Variants in GAS2 observed in about 807,000 individuals in gnomAD.
GAS2 encodes the protein growth arrest-specific protein 2.
Under a neutral mutation model 37.5 loss-of-function variants are expected in GAS2, and 20 were observed. The observed-to-expected ratio is 0.53, with a 90% CI of 0.37 to 0.77. The LOEUF (loss-of-function observed/expected upper bound fraction) is 0.77. GAS2 is among the 30% of genes least tolerant of loss of function. GAS2 has a pLI of 0.00. For synonymous variants in GAS2, 144 were observed against 132.2 expected (o/e 1.09, Z -0.61); for missense variants, 336 against 373.4 (o/e 0.90, Z 0.82).
Position 22,726,295 on chromosome 11 carries a change from C to T in GAS2, c.271C>T (p.Leu91=), listed in dbSNP as rs1375644020. 6.3e-7 allele frequency: 1 copy of T among 1,594,898 alleles called. No homozygotes were observed. The highest frequency in any genetic ancestry group is 8.5e-7 in the Non-Finnish European group (1 of 1,175,306). The change falls in exon 4 of 8, where the codon CTA becomes TTA. Residue 91 remains leucine, a synonymous_variant. Coordinates refer to ENST00000454584, the MANE Select transcript of GAS2 (RefSeq NM_001143830.3). Reference sequence around the variant, plus strand: ...AACGAATTTCTTTATTTTTCAGAATCTACCGTTGAAGAAGATCCCATGCAA... The same window carrying T: ...AACGAATTTCTTTATTTTTCAGAATTTACCGTTGAAGAAGATCCCATGCAA... ...SMDANKPTKN[L]PLKKIPCKTS...
chr11:22,783,189 T>C (rs1221010236), intron 7 of GAS2, among the ~76,000 whole-genome samples: 2 of 151,334 alleles, frequency 1.3e-5, no homozygotes, highest in East Asian at 3.9e-4. Context: ...ATTTCTCTGA[T>C]GATTAGTGAT....
At chr11:22,722,243 A>C (rs1161407596) in intron 3 of GAS2, among the ~76,000 whole-genome samples, 1 of 151,902 alleles carries the variant, frequency 6.6e-6, no homozygotes, top group Non-Finnish European at 1.5e-5. Flanking sequence ...TTGGAAGGGC[A>C]CTTTTGGAAT....
intron 2 of GAS2, among the ~76,000 whole-genome samples, chr11:22,681,995 T>C (rs1299466246): frequency 1.3e-5 from 2 of 152,020 alleles, no homozygotes; most frequent in Non-Finnish European, 1.5e-5. Flanking sequence ...GGAAAATATG[T>C]TACACATGAA....
At chr11:22,713,138 G>GTC (rs532797483) in intron 3 of GAS2, among the ~76,000 whole-genome samples, 484 of 150,244 alleles carry the variant, frequency 3.2e-3, no homozygotes, top group Non-Finnish European at 5.5e-3. Flanking sequence ...AGATGAAAAA[G>GTC]TCTCCAGGGA....
intron 7 of GAS2, among the ~76,000 whole-genome samples, chr11:22,766,129 A>G (rs1473485371): frequency 6.6e-6 from 1 of 152,218 alleles, no homozygotes; most frequent in African/African-American, 2.4e-5. Flanking sequence ...ATTGCGGATT[A>G]CATTTCAACA....
chr11:22,732,159 A>G (rs1434481790), intron 4 of GAS2, among the ~76,000 whole-genome samples: 1 of 151,808 alleles, frequency 6.6e-6, no homozygotes, highest in Non-Finnish European at 1.5e-5. Context: ...AGATGTTATT[A>G]GAATTATTTC....
intron 3 of GAS2, among the ~76,000 whole-genome samples, chr11:22,694,561 G>T (rs749721475): frequency 6.6e-6 from 1 of 152,152 alleles, no homozygotes; most frequent in Non-Finnish European, 1.5e-5. Flanking sequence ...TTAATTACAG[G>T]TCGAATAGAA....
At chr11:22,774,512 G>A (rs915198312) in intron 7 of GAS2, among the ~76,000 whole-genome samples, 1 of 152,112 alleles carries the variant, frequency 6.6e-6, no homozygotes, top group African/African-American at 2.4e-5. Flanking sequence ...TTTTAAACAA[G>A]GCATTTTCTT....
intron 6 of GAS2, among the ~76,000 whole-genome samples, chr11:22,753,013 G>T (rs189900953): frequency 6.6e-6 from 1 of 152,156 alleles, no homozygotes; most frequent in African/African-American, 2.4e-5. Context: ...TCCTCTTCGC[G>T]AGCTAGTTCT....
chr11:22,725,080 A>C (rs1470458453), intron 3 of GAS2, among the ~76,000 whole-genome samples: 3 of 152,098 alleles, frequency 2.0e-5, no homozygotes, highest in Non-Finnish European at 4.4e-5. Context: ...TATGTAGCCC[A>C]GTTCACCCGA....
At chr11:22,787,454 C>T (rs769163679) in intron 7 of GAS2, among the ~76,000 whole-genome samples, 9 of 151,824 alleles carry the variant, frequency 5.9e-5, no homozygotes, top group African/African-American at 2.2e-4. Flanking sequence ...TGTACATATA[C>T]ATAGTTATGT....
At chr11:22,789,816 A>C (rs1423628454) in intron 7 of GAS2, among the ~76,000 whole-genome samples, 1 of 152,108 alleles carries the variant, frequency 6.6e-6, no homozygotes, top group East Asian at 1.9e-4. Context: ...AGAAATATAT[A>C]TCTCTCTATA....
At chr11:22,653,110 T>C (rs2133835938) in intron 1 of GAS2, among the ~76,000 whole-genome samples, 1 of 151,396 alleles carries the variant, frequency 6.6e-6, no homozygotes, top group Admixed American at 6.6e-5. Context: ...CTTTCCTCCC[T>C]TCCTTCCTCC....
In GAS2 at chr11:22,789,427, T is replaced by TATATATATAG. The variant is rs1856012626; in HGVS notation, c.724-22362_724-22361insGATATATATA. ...GTATGTGTGTGTATCTCATATGAGA[T>TATATATATAG]ATATATATATATATATATATATATA... On this transcript the variant is annotated intron_variant, in intron 7 of 7. Coordinates refer to ENST00000454584, the MANE Select transcript of GAS2 (RefSeq NM_001143830.3). Among the ~76,000 whole-genome samples, 2 of 33,882 alleles carry TATATATATAG rather than the reference T, an allele frequency of 5.9e-5. 1 individual carries two copies. The highest frequency in any genetic ancestry group is 3.0e-4 in the African/African-American group (2 of 6,756). The allele number at this position is 33,882 out of a possible 152,430, so 22.2% of individuals were successfully genotyped here. A position where few individuals can be genotyped will look rare whatever the true frequency, so the allele number is the denominator to read the frequency against.
intron 3 of GAS2, among the ~76,000 whole-genome samples, chr11:22,710,467 A>G (rs1446989769): frequency 3.4e-5 from 5 of 148,448 alleles, no homozygotes; most frequent in Non-Finnish European, 7.4e-5. Flanking sequence ...TTCAAGATAT[A>G]TATATATGTG....
intron 2 of GAS2, among the ~76,000 whole-genome samples, chr11:22,681,293 A>G (rs1849672085): frequency 7.2e-6 from 1 of 138,352 alleles, no homozygotes; most frequent in Non-Finnish European, 1.5e-5. Flanking sequence ...TGCCTGGCAA[A>G]AGATTTCAGG....
chr11:22,725,761 C>G (rs1852175024), intron 3 of GAS2, among the ~76,000 whole-genome samples: 1 of 152,068 alleles, frequency 6.6e-6, no homozygotes. Flanking sequence ...ATTTCCCTTT[C>G]TTGGTATTGA....
At chr11:22,689,275 CTAAAA>C (rs888336713) in intron 3 of GAS2, among the ~76,000 whole-genome samples, 11 of 152,196 alleles carry the variant, frequency 7.2e-5, no homozygotes, top group African/African-American at 2.6e-4. Context: ...CCCTCCGAAC[CTAAAA>C]TAAAAGTTAA....
At chr11:22,677,728 G>A (rs1221173877) in intron 2 of GAS2, among the ~76,000 whole-genome samples, 1 of 152,148 alleles carries the variant, frequency 6.6e-6, no homozygotes, top group East Asian at 1.9e-4. Flanking sequence ...TGGGCGTCAG[G>A]AGACCTGGCC....
Sources: gnomAD v4.1 joint callset for allele counts (sites outside exome capture counted in the v4.1 genomes callset) on GRCh38, gnomAD v4.1.1 for gene constraint, MANE v1.5 for transcripts, NCBI Gene and HGNC (gene_info 2026-07-23, HGNC 2026-07-21) for gene names.